Variants in WWOX observed in about 807,000 individuals in gnomAD.
WWOX encodes the protein WW domain containing oxidoreductase, also known as WW domain-containing oxidoreductase.
In WWOX, 69 loss-of-function variants were observed where a neutral mutation model predicts 46.2. That is an observed-to-expected ratio of 1.49 (90% CI 1.23 to 1.82). WWOX has a LOEUF of 1.82. WWOX is among the 40% of genes most tolerant of loss of function. WWOX has a pLI of 0.00. For synonymous variants in WWOX, 359 were observed against 202.6 expected, an observed-to-expected ratio of 1.77 and a Z score of -6.56; for missense variants, 919 against 542.6, an observed-to-expected ratio of 1.69 and a Z score of -6.89.
chr16:78,144,448 C>CGTGTATATATATATAT (rs71380475), intron 4 of WWOX, among the ~76,000 whole-genome samples: 3 of 17,578 alleles, frequency 1.7e-4, no homozygotes, highest in African/African-American at 4.3e-4. Context: ...TATATATATA[C>CGTGTATATATATATAT]ACATATATAT....
intron 8 of WWOX, among the ~76,000 whole-genome samples, chr16:79,138,723 G>T (rs1458503977): frequency 6.6e-6 from 1 of 152,184 alleles, no homozygotes; most frequent in Non-Finnish European, 1.5e-5. Flanking sequence ...AGATGTCTCT[G>T]CCCTGCTGTT....
intron 8 of WWOX, among the ~76,000 whole-genome samples, chr16:79,128,406 C>T (rs1164517299): frequency 4.0e-5 from 6 of 151,878 alleles, no homozygotes; most frequent in East Asian, 1.9e-4. Context: ...AACACTAAAC[C>T]CCAAATTTGT....
At chr16:78,132,005 T>A (rs1402285493) in intron 4 of WWOX, among the ~76,000 whole-genome samples, 1 of 151,416 alleles carries the variant, frequency 6.6e-6, no homozygotes, top group African/African-American at 2.4e-5. Context: ...GTCTCTGATT[T>A]TTCTTTTTTC....
intron 8 of WWOX, among the ~76,000 whole-genome samples, chr16:79,058,120 AC>A (rs1567520625): frequency 1.7e-4 from 13 of 75,834 alleles, no homozygotes; most frequent in South Asian, 3.1e-4. Flanking sequence ...AAAAAAAAAA[AC>A]AAACAAACAA....
chr16:78,485,176 T>A (rs1228027353), intron 8 of WWOX, among the ~76,000 whole-genome samples: 1 of 152,184 alleles, frequency 6.6e-6, no homozygotes, highest in Non-Finnish European at 1.5e-5. Context: ...ATTTTTACAG[T>A]AATTTTAAGT....
intron 8 of WWOX, among the ~76,000 whole-genome samples, chr16:78,776,449 C>A (rs886765115): frequency 1.3e-5 from 2 of 151,992 alleles, no homozygotes; most frequent in African/African-American, 4.8e-5. Context: ...AATGGGGATT[C>A]CAGTGGTTAT....
At chr16:78,753,379 A>G (rs771823126) in intron 8 of WWOX, among the ~76,000 whole-genome samples, 2 of 152,178 alleles carry the variant, frequency 1.3e-5, no homozygotes, top group Admixed American at 6.5e-5. Context: ...TTATCCAGGT[A>G]CAAAGACAAT....
intron 8 of WWOX, chr16:78,895,819 C>T (rs935276751): frequency 2.0e-5 from 3 of 152,210 alleles, no homozygotes; most frequent in Admixed American, 6.5e-5. Context: ...AACTGACTCA[C>T]AGTATCCGAC....
chr16:78,238,993 A>G (rs1001495358), intron 5 of WWOX, among the ~76,000 whole-genome samples: 1 of 152,144 alleles, frequency 6.6e-6, no homozygotes, highest in Non-Finnish European at 1.5e-5. Flanking sequence ...CAAGGCCTGC[A>G]GATTTGCATC....
chr16:78,539,087 G>C (rs2043825978), intron 8 of WWOX, among the ~76,000 whole-genome samples: 1 of 152,196 alleles, frequency 6.6e-6, no homozygotes, highest in Non-Finnish European at 1.5e-5. Context: ...TAATATTTCA[G>C]GAACTTGCAA....
chr16:79,194,943 A>G (rs1452809423), intron 8 of WWOX, among the ~76,000 whole-genome samples: 1 of 152,150 alleles, frequency 6.6e-6, no homozygotes, highest in Non-Finnish European at 1.5e-5. Context: ...GCAGAATGAG[A>G]TGAGTAGATG....
At chr16:78,775,352 C>G (rs529546700) in intron 8 of WWOX, among the ~76,000 whole-genome samples, 1 of 152,178 alleles carries the variant, frequency 6.6e-6, no homozygotes, top group Non-Finnish European at 1.5e-5. Context: ...CCCACCCCCA[C>G]GAACATGTAG....
intron 8 of WWOX, among the ~76,000 whole-genome samples, chr16:78,550,357 C>G (rs1827011717): frequency 6.6e-6 from 1 of 152,150 alleles, no homozygotes; most frequent in African/African-American, 2.4e-5. Context: ...AACTACTAAG[C>G]TATCATGCAT....
intron 8 of WWOX, among the ~76,000 whole-genome samples, chr16:78,742,934 A>T (rs2142422383): frequency 6.6e-6 from 1 of 152,222 alleles, no homozygotes; most frequent in Non-Finnish European, 1.5e-5. Context: ...AGGAAGGAGA[A>T]GGCCCTGGCT....
chr16:78,108,019 C>T (rs1027042597), intron 1 of WWOX, among the ~76,000 whole-genome samples: 1 of 151,792 alleles, frequency 6.6e-6, no homozygotes, highest in African/African-American at 2.4e-5. Flanking sequence ...ACTTCTGCTT[C>T]CCTGGCTCAA....
intron 5 of WWOX, among the ~76,000 whole-genome samples, chr16:78,224,152 C>T (rs567824927): frequency 7.2e-5 from 11 of 152,120 alleles, no homozygotes; most frequent in Non-Finnish European, 1.3e-4. Context: ...TACAGGCACC[C>T]GCCACCAAGC....
At chr16:79,047,206 G>A (rs1567512789) in intron 8 of WWOX, among the ~76,000 whole-genome samples, 1 of 152,162 alleles carries the variant, frequency 6.6e-6, no homozygotes. Context: ...TGAGGGTGGG[G>A]AGGGAAAGAG....
chr16:78,750,015 C>G (rs909752608), intron 8 of WWOX, among the ~76,000 whole-genome samples: 6 of 152,052 alleles, frequency 3.9e-5, no homozygotes, highest in African/African-American at 1.4e-4. Flanking sequence ...TCTTGTCGTT[C>G]AGTAGTAGAT....
rs376409155 is a variant in WWOX, at chr16:78,885,924, AT to A, written c.1057-325666del. 8.0e-3 allele frequency among the ~76,000 whole-genome samples: 1,086 copies of A among 135,662 alleles called. 10 individuals carry two copies. The highest frequency in any genetic ancestry group is 0.023 in the African/African-American group (840 of 36,962). The allele number at this position is 135,662 out of a possible 152,430, so 89.0% of individuals were successfully genotyped here. ...ATCCACGTACAGGGATGGGGATGGA[AT>A]TTTTTTTTTTTTTTTTTGAGACAGA... On this transcript the variant is annotated intron_variant, in intron 8 of 8. Transcript: ENST00000566780.
Sources: allele counts gnomAD v4.1 joint callset (sites outside exome capture counted in the v4.1 genomes callset), GRCh38; gene constraint gnomAD v4.1.1; transcripts MANE v1.5; gene names NCBI Gene and HGNC (gene_info 2026-07-23, HGNC 2026-07-21).